CSRNP2: variants seen among roughly 807,000 people sequenced by gnomAD.
CSRNP2 encodes the protein cysteine/serine-rich nuclear protein 2.
CSRNP2 carries 11 observed loss-of-function variants against 36.6 expected under a neutral mutation model. That is an observed-to-expected ratio of 0.30 (90% confidence interval 0.19 to 0.50). CSRNP2 has a LOEUF of 0.50. CSRNP2 is among the 20% of genes least tolerant of loss of function. CSRNP2 has a pLI of 0.98. For synonymous variants in CSRNP2, 248 were observed against 275.3 expected, an observed-to-expected ratio of 0.90 and a Z score of 0.98; for missense variants, 483 against 691.4, an observed-to-expected ratio of 0.70 and a Z score of 3.38.
rs1039637936 is a variant in CSRNP2 at position 51,063,506 on chromosome 12, T to G, written c.*240A>C. ...TTCCAGTGGCCCAGAAAGCTTAATG[T>G]TCAGCACTACGCAGCTTTCTTTGCC... On this transcript the variant is annotated 3_prime_UTR_variant, in exon 5 of 5. Coordinates refer to ENST00000228515, the MANE Select transcript of CSRNP2 (RefSeq NM_030809.3). The G allele has an allele frequency of 1.9e-5, 6 of 312,710 alleles. No homozygotes were observed. The highest frequency in any genetic ancestry group is 3.5e-5 in the Non-Finnish European group (6 of 169,874). The allele number at this position is 312,710 out of a possible 1,614,324, so 19.4% of individuals were successfully genotyped here.
chr12:51,064,582 G>A lies in CSRNP2; in HGVS notation c.796C>T (p.Arg266Trp), dbSNP rs772276603. The change falls in exon 5 of 5, where the codon CGG becomes TGG. Residue 266 changes from arginine to tryptophan, a missense_variant. Transcript: ENST00000228515. ...GRIEFNPIRV[R>W]THYLHTIMKL... ...ATAATGGTGTGGAGGTAATGAGTCC[G>A]GACCCGGATTGGATTAAATTCAATG... 8 of 1,603,514 alleles carry A rather than the reference G, an allele frequency of 5.0e-6. No individual in the cohort carries two copies. Among genetic ancestry groups the A allele is most frequent in the Non-Finnish European group, 6.0e-6 (7 of 1,175,266 alleles).
rs150653336 is a variant in CSRNP2, at chr12:51,067,952, T to C, written c.429A>G (p.Thr143=). 1.0e-3 allele frequency: 1,656 copies of C among 1,613,562 alleles called. 2 individuals are homozygous for C. Among genetic ancestry groups the C allele is most frequent in the Non-Finnish European group, 9.3e-4 (1,097 of 1,179,522 alleles). ...GGCCATCAGCCTCCACCGACTCCAC[T>C]GTCCCATTCTTGGTCAGCTGCCAAG... is the stretch of plus-strand genomic sequence containing the variant. ...AKKMKLTKNG[T]VESVEADGLT... The change falls in exon 4 of 5, where the codon ACA becomes ACG. Residue 143 remains threonine, a synonymous_variant. Coordinates refer to ENST00000228515, the MANE Select transcript of CSRNP2 (RefSeq NM_030809.3). The surrounding 1 kb of genome is among the most constrained non-coding windows in gnomAD (Gnocchi z 4.1).
intron 3 of CSRNP2, among the ~76,000 whole-genome samples, chr12:51,071,626 T>A (rs1443213351): frequency 6.6e-6 from 1 of 152,148 alleles, no homozygotes; most frequent in East Asian, 1.9e-4. Flanking sequence ...GTATTAGATG[T>A]CATCACTGCT....
In CSRNP2 at chr12:51,062,640, T is replaced by C. The variant is rs113415044; in HGVS notation, c.*1106A>G. On this transcript the variant is annotated 3_prime_UTR_variant, in exon 5 of 5. Coordinates refer to ENST00000228515, the MANE Select transcript of CSRNP2 (RefSeq NM_030809.3). ...CAAGATGGAGGGGTCCAATAAACAT[T>C]TGCAATTCTTGGAATTGAACTGGAA... The C allele has an allele frequency of 1.3e-5, 2 of 152,296 alleles. No homozygotes were observed. Among genetic ancestry groups the C allele is most frequent in the Non-Finnish European group, 2.9e-5 (2 of 68,016 alleles). 9.4% of individuals were successfully genotyped at this position (152,296 alleles called of 1,614,324 possible). A position where few individuals can be genotyped will look rare whatever the true frequency, so the allele number is the denominator to read the frequency against.
chr12:51,081,233 A>G (rs1298130780), intron 1 of CSRNP2, among the ~76,000 whole-genome samples: 2 of 152,222 alleles, frequency 1.3e-5, no homozygotes, highest in Non-Finnish European at 2.9e-5. Flanking sequence ...GGTTGCAGTG[A>G]GCTGAGATTG....
intron 3 of CSRNP2, among the ~76,000 whole-genome samples, chr12:51,071,467 T>C (rs1444306468): frequency 6.6e-6 from 1 of 151,200 alleles, no homozygotes; most frequent in Non-Finnish European, 1.5e-5. Context: ...GGGATTCCTC[T>C]TGACATATAA....
At chr12:51,066,331 T>C (rs542926688) in intron 4 of CSRNP2, among the ~76,000 whole-genome samples, 2 of 151,688 alleles carry the variant, frequency 1.3e-5, no homozygotes, top group South Asian at 4.1e-4. Context: ...TGTGTGCCTA[T>C]AGTCCCAGCT....
chr12:51,070,190 T>A (rs948267803), intron 3 of CSRNP2, among the ~76,000 whole-genome samples: 1 of 152,160 alleles, frequency 6.6e-6, no homozygotes, highest in African/African-American at 2.4e-5. Context: ...CTTTGGTTGA[T>A]TTCATCAGAC....
At chr12:51,076,933 C>T (rs1939426341) in intron 1 of CSRNP2, 1 of 171,170 alleles carries the variant, frequency 5.8e-6, no homozygotes, top group Admixed American at 6.0e-5. Flanking sequence ...GCTTCATTAG[C>T]CCAGGAATCA....
Position 51,063,926 on chromosome 12 carries a change from T to C in CSRNP2, c.1452A>G (p.Leu484=). 6.2e-7 allele frequency: 1 copy of C among 1,613,804 alleles called. No individual in the cohort carries two copies. Among genetic ancestry groups the C allele is most frequent in the South Asian group, 1.1e-5 (1 of 91,064 alleles). The change falls in exon 5 of 5, where the codon CTA becomes CTG. Residue 484 remains leucine (L), a synonymous_variant. Transcript: ENST00000228515. ...CCTCAGGGTTACAATCTTCGGGCAATAGAGCTTCTAGGGTGGGTGTTTTCC... is the reference window on the plus strand; with the variant it reads ...CCTCAGGGTTACAATCTTCGGGCAACAGAGCTTCTAGGGTGGGTGTTTTCC... ...EVGKTPTLEA[L]LPEDCNPEEP... is the part of the protein sequence containing the mutation.
In CSRNP2 at chr12:51,063,657, G is replaced by T; in HGVS notation, c.*89C>A. 1 of 1,024,120 alleles carries T rather than the reference G, an allele frequency of 9.8e-7. No individual in the cohort carries two copies. Among genetic ancestry groups the T allele is most frequent in the South Asian group, 2.1e-5 (1 of 47,412 alleles). The allele number at this position is 1,024,120 out of a possible 1,614,324, so 63.4% of individuals were successfully genotyped here. On this transcript the variant is annotated 3_prime_UTR_variant, in exon 5 of 5. Transcript: ENST00000228515. ...CCAATAAAATAACATGGGAGCAGCA[G>T]CTGCTTCTACAGTTTTGTTTTGAAA...
intron 1 of CSRNP2, among the ~76,000 whole-genome samples, chr12:51,077,217 C>T (rs1052803180): frequency 1.3e-5 from 2 of 152,138 alleles, no homozygotes; most frequent in Non-Finnish European, 1.5e-5. Flanking sequence ...GTAGCTGGGA[C>T]TACAAGGCAC....
chr12:51,082,296 C>T (rs753012497), intron 1 of CSRNP2, among the ~76,000 whole-genome samples: 13 of 152,262 alleles, frequency 8.5e-5, no homozygotes, highest in Admixed American at 3.3e-4. Context: ...GCACTCACCA[C>T]CCCCACTCCC....
intron 1 of CSRNP2, among the ~76,000 whole-genome samples, chr12:51,081,696 G>A (rs574355630): frequency 6.6e-6 from 1 of 152,344 alleles, no homozygotes; most frequent in South Asian, 2.1e-4. Flanking sequence ...ATATGAAATA[G>A]TTAAGATCCA....
chr12:51,067,657 G>C lies in CSRNP2; in HGVS notation c.708+16C>G. On this transcript the variant is annotated intron_variant, in intron 4 of 4. Coordinates refer to ENST00000228515, the MANE Select transcript of CSRNP2 (RefSeq NM_030809.3). The surrounding 1 kb of genome is among the most constrained non-coding windows in gnomAD (Gnocchi z 4.1). Reference sequence around the variant, plus strand: ...CCCTGGTGTAGATATACTATCTCAGGCCAACTTGGACTGACCTGGCATTTA... The same window carrying C: ...CCCTGGTGTAGATATACTATCTCAGCCCAACTTGGACTGACCTGGCATTTA... 1 of 1,608,614 alleles carries C rather than the reference G, an allele frequency of 6.2e-7. No individual in the cohort carries two copies. Among genetic ancestry groups the C allele is most frequent in the Non-Finnish European group, 8.5e-7 (1 of 1,176,494 alleles).
At chr12:51,068,006 G>C in intron 3 of CSRNP2, 37 bp from the exon 4 acceptor site, 1 of 1,591,470 alleles carries the variant, frequency 6.3e-7, no homozygotes, top group Non-Finnish European at 8.6e-7. Context: ...TCATAGACAT[G>C]AGCGGCATGC....
At chr12:51,070,292 G>A (rs1345754188) in intron 3 of CSRNP2, among the ~76,000 whole-genome samples, 1 of 152,198 alleles carries the variant, frequency 6.6e-6, no homozygotes, top group Non-Finnish European at 1.5e-5. Flanking sequence ...TTTCTTGTTT[G>A]TGGGGGAGGT....
In CSRNP2 at chr12:51,065,887, G is replaced by T. The variant is rs115360763; in HGVS notation, c.709-1218C>A. Among the ~76,000 whole-genome samples the T allele has an allele frequency of 3.4e-3, 518 of 151,826 alleles. 1 individual carries two copies. The highest frequency in any genetic ancestry group is 0.012 in the African/African-American group (481 of 41,514). On this transcript the variant is annotated intron_variant, in intron 4 of 4. Transcript: ENST00000228515. ...TATTTGTTACCCAGCTAAAAATAAA[G>T]AAAGAGTGAGTTAGGAGAAATCCAA...
In CSRNP2 at chr12:51,064,417, C is replaced by T. The variant is rs1200351136; in HGVS notation, c.961G>A (p.Glu321Lys). The T allele has an allele frequency of 1.2e-6, 2 of 1,613,186 alleles. No individual in the cohort carries two copies. Among genetic ancestry groups the T allele is most frequent in the East Asian group, 2.2e-5 (1 of 44,862 alleles). The change falls in exon 5 of 5, where the codon GAG becomes AAG. Residue 321 changes from glutamate (E) to lysine (K), a missense_variant. By Grantham distance (56) the Glu-to-Lys change is moderately conservative. Coordinates refer to ENST00000228515, the MANE Select transcript of CSRNP2 (RefSeq NM_030809.3). ...QDFQEFIAENETAVMHLQSAE... is the reference protein window; with the variant it reads ...QDFQEFIAENKTAVMHLQSAE... The stretch of plus-strand genomic sequence containing the variant: ...CTCTGCAGGTGCATCACTGCTGTCT[C>T]ATTCTCAGCAATGAACTCCTGGAAG...
Sources: allele counts gnomAD v4.1 joint callset (sites outside exome capture counted in the v4.1 genomes callset), GRCh38; gene constraint gnomAD v4.1.1; non-coding constraint Gnocchi (gnomAD v3.1); transcripts MANE v1.5; gene names NCBI Gene and HGNC (gene_info 2026-07-23, HGNC 2026-07-21).